The following SNTG2 variants were observed in gnomAD, a reference collection of about 807,000 sequenced individuals.
SNTG2 encodes gamma-2-syntrophin.
In SNTG2, 74 loss-of-function variants were observed where a neutral mutation model predicts 70.9. The observed-to-expected ratio is 1.04, with a 90% CI of 0.86 to 1.27. The LOEUF is 1.27. Among genes scored for constraint, SNTG2 ranks in the 50% most tolerant of loss-of-function variants. The probability of loss-of-function intolerance (pLI) is 0.00; values close to 1 mark genes in which losing one functional copy is unlikely to be tolerated. For synonymous variants in SNTG2, 278 were observed against 273.8 expected (o/e 1.02, Z -0.15); for missense variants, 717 against 690.7 (o/e 1.04, Z -0.43).
intron 8 of SNTG2, among the ~76,000 whole-genome samples, chr2:1,196,804 G>A (rs1441622782): frequency 6.6e-6 from 1 of 152,058 alleles, no homozygotes; most frequent in Non-Finnish European, 1.5e-5. Flanking sequence ...AAATGAAAGA[G>A]AAATGAAGTC....
chr2:1,235,703 G>A (rs1054185784), intron 9 of SNTG2, among the ~76,000 whole-genome samples: 2 of 152,208 alleles, frequency 1.3e-5, no homozygotes, highest in African/African-American at 4.8e-5. Flanking sequence ...TAGTCTAGCT[G>A]GATCCAGGAA....
chr2:1,215,823 T>G (rs58375007), intron 9 of SNTG2, among the ~76,000 whole-genome samples: 18 of 151,528 alleles, frequency 1.2e-4, no homozygotes, highest in African/African-American at 3.9e-4. Context: ...TTTGTCCTTG[T>G]GATAGTTTGC....
At position 1,257,880 on chromosome 2, in the gene SNTG2, A is replaced by G. The variant is rs139675995; in HGVS notation, c.1006-1490A>G. On this transcript the variant is annotated intron_variant, in intron 12 of 16. Coordinates refer to ENST00000308624, the MANE Select transcript of SNTG2 (RefSeq NM_018968.4). ...ACTATATTTTGAAAAGTGTAAAACC[A>G]TGAATATGCATAAGGTGTATTTATA... 6.2e-3 allele frequency among the ~76,000 whole-genome samples: 943 copies of G among 152,362 alleles called. 8 individuals are homozygous for G. Among genetic ancestry groups the G allele is most frequent in the African/African-American group, 0.022 (902 of 41,588 alleles).
At chr2:1,166,673 G>A (rs534911528) in intron 7 of SNTG2, among the ~76,000 whole-genome samples, 1 of 152,290 alleles carries the variant, frequency 6.6e-6, no homozygotes, top group African/African-American at 2.4e-5. Context: ...CTGTGCCCAT[G>A]GACCTAAGTG....
At chr2:1,275,073 A>C (rs1011277200) in intron 14 of SNTG2, among the ~76,000 whole-genome samples, 6 of 152,136 alleles carry the variant, frequency 3.9e-5, no homozygotes, top group South Asian at 4.1e-4. Context: ...CCTTGTAAAA[A>C]CTAATTCATT....
intron 1 of SNTG2, among the ~76,000 whole-genome samples, chr2:1,056,281 CGCG>C: frequency 3.1e-5 from 1 of 32,380 alleles, no homozygotes; most frequent in Admixed American, 3.3e-4. Flanking sequence ...AGGGAGAGGC[CGCG>C]CCGTGCTGTG....
chr2:1,009,939 A>T (rs1450351917), intron 1 of SNTG2, among the ~76,000 whole-genome samples: 2 of 152,216 alleles, frequency 1.3e-5, no homozygotes. Context: ...AAGATTCTCC[A>T]TGTGTGCTAC....
chr2:997,288 G>A (rs61516611), intron 1 of SNTG2, among the ~76,000 whole-genome samples: 56,253 of 152,068 alleles, frequency 0.37, 10,931 homozygotes, highest in Middle Eastern at 0.52. Flanking sequence ...CTGGATGTCA[G>A]CCATGAGCCA....
chr2:1,157,107 G>GA (rs2147828515), intron 6 of SNTG2, among the ~76,000 whole-genome samples: 1 of 152,284 alleles, frequency 6.6e-6, no homozygotes, highest in Admixed American at 6.5e-5. Context: ...CTGTTTAGCA[G>GA]AAATAGTCAA....
At position 1,156,894 on chromosome 2, in the gene SNTG2, G is replaced by A. The variant is rs1224825783; in HGVS notation, c.412-8654G>A. Among the ~76,000 whole-genome samples, 5 of 152,188 alleles carry A rather than the reference G, an allele frequency of 3.3e-5. No homozygotes were observed. In the South Asian group the frequency reaches 6.2e-4, roughly 19 times the overall value. ...CTCTTGGTGAAACAGAGGTTTCCAC[G>A]GTGATTGGATGTGTGGCTGAGGAAG... On this transcript the variant is annotated intron_variant, in intron 6 of 16. Coordinates refer to ENST00000308624, the MANE Select transcript of SNTG2 (RefSeq NM_018968.4).
At chr2:1,291,812 T>C (rs2148222275) in intron 14 of SNTG2, among the ~76,000 whole-genome samples, 1 of 152,346 alleles carries the variant, frequency 6.6e-6, no homozygotes, top group Non-Finnish European at 1.5e-5. Context: ...TTGTTTTGGC[T>C]ATTCAAGGTC....
chr2:971,072 A>C (rs185020325), intron 1 of SNTG2, among the ~76,000 whole-genome samples: 8 of 152,332 alleles, frequency 5.3e-5, no homozygotes, highest in Non-Finnish European at 1.2e-4. Flanking sequence ...GGACTTTTGC[A>C]TCTATGTTCA....
chr2:954,490 A>G lies in SNTG2; in HGVS notation c.72+3422A>G, dbSNP rs144906569. Among the ~76,000 whole-genome samples the G allele has an allele frequency of 3.6e-3, 549 of 152,240 alleles. 1 individual carries two copies. Among genetic ancestry groups the G allele is most frequent in the Non-Finnish European group, 6.0e-3 (410 of 68,010 alleles). The stretch of plus-strand genomic sequence containing the variant: ...GACCTTGAACTGGTGTGTACTTGTC[A>G]TTGTTGTCCAGCTGGTTACCGCATG... On this transcript the variant is annotated intron_variant, in intron 1 of 16. Transcript: ENST00000308624.
intron 1 of SNTG2, among the ~76,000 whole-genome samples, chr2:1,057,889 A>C (rs1387299887): frequency 1.3e-5 from 2 of 152,164 alleles, no homozygotes; most frequent in Non-Finnish European, 2.9e-5. Flanking sequence ...GATTTAAAAA[A>C]AATTAGGTGG....
intron 6 of SNTG2, among the ~76,000 whole-genome samples, chr2:1,157,992 G>A (rs766053493): frequency 6.6e-6 from 1 of 152,142 alleles, no homozygotes; most frequent in African/African-American, 2.4e-5. Flanking sequence ...TACCTTGGCC[G>A]GCCGGCAGGT....
intron 1 of SNTG2, among the ~76,000 whole-genome samples, chr2:1,067,574 G>A (rs1663240790): frequency 6.6e-6 from 1 of 152,058 alleles, no homozygotes. Flanking sequence ...TGTTTCTAAA[G>A]TGAGTCAGAG....
chr2:1,288,433 T>C (rs1679854530), intron 14 of SNTG2, among the ~76,000 whole-genome samples: 1 of 152,156 alleles, frequency 6.6e-6, no homozygotes, highest in Admixed American at 6.5e-5. Context: ...GGTGCTCAGC[T>C]ATCCTCCAAG....
intron 13 of SNTG2, among the ~76,000 whole-genome samples, chr2:1,263,666 T>G (rs550965080): frequency 3.8e-4 from 58 of 152,328 alleles, no homozygotes; most frequent in African/African-American, 1.4e-3. Flanking sequence ...CAAATCGACA[T>G]GTACGGCCTG....
At chr2:1,305,644 T>A (rs10182148) in intron 14 of SNTG2, among the ~76,000 whole-genome samples, 194 of 152,354 alleles carry the variant, frequency 1.3e-3, no homozygotes, top group South Asian at 5.0e-3. Context: ...CAGATTTTTT[T>A]AAAAAATTCC....
Sources: gnomAD v4.1 joint callset for allele counts (sites outside exome capture counted in the v4.1 genomes callset) on GRCh38, gnomAD v4.1.1 for gene constraint, MANE v1.5 for transcripts, NCBI Gene and HGNC (gene_info 2026-07-23, HGNC 2026-07-21) for gene names.